Variants in DLGAP2 observed in about 807,000 individuals in gnomAD.
DLGAP2 encodes the protein disks large-associated protein 2.
A neutral mutation model predicts 100.3 loss-of-function variants in DLGAP2; 26 were observed. The observed-to-expected ratio is 0.26, with a 90% CI of 0.19 to 0.36. The LOEUF is 0.36. DLGAP2 is among the 10% of genes least tolerant of loss of function. The pLI, the probability that DLGAP2 is intolerant of heterozygous loss-of-function variation, is 1.00. For missense variants in DLGAP2, 1,858 were observed against 1,453.2 expected (o/e 1.28, Z -4.53); for synonymous variants, 886 against 630.1 (o/e 1.41, Z -6.08).
intron 2 of DLGAP2, among the ~76,000 whole-genome samples, chr8:951,442 G>A (rs1799477136): frequency 6.6e-6 from 1 of 152,092 alleles, no homozygotes; most frequent in African/African-American, 2.4e-5. Flanking sequence ...ATAGAGATGG[G>A]GTTTTGCCAT....
At position 1,095,886 on chromosome 8, in the gene DLGAP2, G is replaced by A. The variant is rs6999174; in HGVS notation, c.74-162965G>A. Among the ~76,000 whole-genome samples, 1,267 of 152,244 alleles carry A rather than the reference G, an allele frequency of 8.3e-3. 19 individuals are homozygous for A. The highest frequency in any genetic ancestry group is 0.029 in the African/African-American group (1,198 of 41,522). On this transcript the variant is annotated intron_variant, in intron 2 of 14. Coordinates refer to ENST00000637795, the MANE Select transcript of DLGAP2 (RefSeq NM_001346810.2). ...CTTGAGATGTCTAAGAAATGTTTGC[G>A]GAGTGAATGCATGCTCTTCCCTAGA...
chr8:1,456,085 C>G (rs1249088687), intron 3 of DLGAP2, among the ~76,000 whole-genome samples: 1 of 152,220 alleles, frequency 6.6e-6, no homozygotes, highest in Non-Finnish European at 1.5e-5. Flanking sequence ...TCCCTCCCAG[C>G]AGCTTTCGAT....
At chr8:1,007,335 G>A (rs1014646249) in intron 2 of DLGAP2, among the ~76,000 whole-genome samples, 1 of 152,220 alleles carries the variant, frequency 6.6e-6, no homozygotes, top group Admixed American at 6.5e-5. Flanking sequence ...AGGTGCCCAC[G>A]TCTCACTCTG....
intron 2 of DLGAP2, among the ~76,000 whole-genome samples, chr8:1,111,541 T>A (rs1804959121): frequency 6.6e-6 from 1 of 152,082 alleles, no homozygotes; most frequent in Non-Finnish European, 1.5e-5. Flanking sequence ...TATTTCATGG[T>A]CCCCTCCCCG....
At chr8:906,426 A>G (rs1798382332) in intron 1 of DLGAP2, among the ~76,000 whole-genome samples, 1 of 152,162 alleles carries the variant, frequency 6.6e-6, no homozygotes, top group South Asian at 2.1e-4. Flanking sequence ...TTGATCCCTG[A>G]GGCCCTTTGG....
chr8:882,819 G>A (rs1342979244), intron 1 of DLGAP2, among the ~76,000 whole-genome samples: 8 of 152,278 alleles, frequency 5.3e-5, no homozygotes, highest in African/African-American at 1.9e-4. Context: ...TCTCCCTGGC[G>A]TCAGCAGCTT....
intron 2 of DLGAP2, among the ~76,000 whole-genome samples, chr8:1,204,252 C>T (rs893263149): frequency 2.6e-5 from 4 of 152,176 alleles, no homozygotes; most frequent in Non-Finnish European, 4.4e-5. Context: ...TTAGATTCCG[C>T]GAGAGATTGA....
chr8:747,034 C>T (rs1820633446), intron 1 of DLGAP2, among the ~76,000 whole-genome samples: 1 of 151,996 alleles, frequency 6.6e-6, no homozygotes, highest in Admixed American at 6.6e-5. Context: ...GAAATGGGCC[C>T]CTTGCCCTGG....
chr8:1,315,306 C>T lies in DLGAP2; in HGVS notation c.106+56423C>T, dbSNP rs577015441. Among the ~76,000 whole-genome samples the T allele has an allele frequency of 1.0e-4, 15 of 149,154 alleles. 1 individual carries two copies. The highest frequency in any genetic ancestry group is 3.5e-3 in the Middle Eastern group (1 of 286). On this transcript the variant is annotated intron_variant, in intron 3 of 14. Coordinates refer to ENST00000637795, the MANE Select transcript of DLGAP2 (RefSeq NM_001346810.2). Reference sequence around the variant, plus strand: ...AATAGAGCCTGTGCGAGTGCAGCGTCTCTCCAACATTGGTCTACACTCGAG... The same window carrying T: ...AATAGAGCCTGTGCGAGTGCAGCGTTTCTCCAACATTGGTCTACACTCGAG...
chr8:1,130,043 G>A (rs1430796594), intron 2 of DLGAP2, among the ~76,000 whole-genome samples: 2 of 152,150 alleles, frequency 1.3e-5, no homozygotes, highest in Non-Finnish European at 2.9e-5. Context: ...CTTCACACAA[G>A]TTAAGGGATC....
At chr8:1,153,847 A>G (rs1796736257) in intron 2 of DLGAP2, among the ~76,000 whole-genome samples, 1 of 152,190 alleles carries the variant, frequency 6.6e-6, no homozygotes, top group Admixed American at 6.5e-5. Context: ...TGATAAATGC[A>G]TCTAGCACTT....
chr8:1,026,900 T>C (rs1196747193), intron 2 of DLGAP2, among the ~76,000 whole-genome samples: 6 of 152,232 alleles, frequency 3.9e-5, no homozygotes, highest in Non-Finnish European at 2.9e-5. Flanking sequence ...GTTCTAAAGG[T>C]TATCGCTAAA....
intron 3 of DLGAP2, among the ~76,000 whole-genome samples, chr8:1,330,911 C>T (rs1196426982): frequency 2.1e-5 from 3 of 144,104 alleles, no homozygotes; most frequent in South Asian, 2.2e-4. Context: ...GTGGGAGCAC[C>T]ACTTCATGGG....
chr8:1,392,387 C>T (rs1796383659), intron 3 of DLGAP2, among the ~76,000 whole-genome samples: 1 of 152,176 alleles, frequency 6.6e-6, no homozygotes, highest in African/African-American at 2.4e-5. Context: ...TTCCCATCAA[C>T]TCGCGGCACT....
At chr8:1,126,080 G>A (rs759881428) in intron 2 of DLGAP2, among the ~76,000 whole-genome samples, 8 of 152,200 alleles carry the variant, frequency 5.3e-5, no homozygotes, top group Non-Finnish European at 1.0e-4. Flanking sequence ...GAACACGCGG[G>A]AAATCAATGA....
chr8:1,479,278 G>C (rs11995562), intron 3 of DLGAP2, among the ~76,000 whole-genome samples: 9 of 152,050 alleles, frequency 5.9e-5, no homozygotes, highest in Non-Finnish European at 1.2e-4. Context: ...GGCGGGGATT[G>C]GGGGCGGTGG....
At chr8:1,494,736 A>G (rs75806095) in intron 3 of DLGAP2, among the ~76,000 whole-genome samples, 2,369 of 151,922 alleles carry the variant, frequency 0.016, 63 homozygotes, top group African/African-American at 0.055. Context: ...TAAAAAAAAA[A>G]GGAAAGAAAA....
intron 3 of DLGAP2, among the ~76,000 whole-genome samples, chr8:1,343,522 G>C (rs563784410): frequency 2.2e-4 from 34 of 152,280 alleles, no homozygotes; most frequent in African/African-American, 7.9e-4. Context: ...GGTAAGCAAA[G>C]ACTCTCTCAG....
chr8:1,440,235 C>T (rs916740326), intron 3 of DLGAP2, among the ~76,000 whole-genome samples: 2 of 152,138 alleles, frequency 1.3e-5, no homozygotes, highest in Admixed American at 6.5e-5. Flanking sequence ...TGGTATAAAT[C>T]GGGTATCTAT....
Sources: allele counts gnomAD v4.1 joint callset (sites outside exome capture counted in the v4.1 genomes callset), GRCh38; gene constraint gnomAD v4.1.1; transcripts MANE v1.5; gene names NCBI Gene and HGNC (gene_info 2026-07-23, HGNC 2026-07-21).